The following NRP1 variants were observed in gnomAD, a reference collection of about 807,000 sequenced individuals.
NRP1 encodes neuropilin 1.
NRP1 carries 35 observed loss-of-function variants against 106.7 expected under a neutral mutation model. That is an observed-to-expected ratio of 0.33 (90% confidence interval 0.25 to 0.43). The LOEUF (loss-of-function observed/expected upper bound fraction) is 0.43. NRP1 is among the 20% of genes least tolerant of loss of function. The pLI is 1.00. For missense variants in NRP1, 1,024 were observed against 1,170.4 expected, an observed-to-expected ratio of 0.87 and a Z score of 1.83; for synonymous variants, 437 against 417.9, an observed-to-expected ratio of 1.05 and a Z score of -0.56.
intron 15 of NRP1, among the ~76,000 whole-genome samples, chr10:33,183,880 C>T (rs911241801): frequency 2.0e-5 from 3 of 152,136 alleles, no homozygotes; most frequent in Admixed American, 6.5e-5. Context: ...TTAATGGAGC[C>T]GTAGTTGTGA....
chr10:33,214,006 G>T (rs1838546151), intron 8 of NRP1, among the ~76,000 whole-genome samples: 1 of 152,166 alleles, frequency 6.6e-6, no homozygotes, highest in South Asian at 2.1e-4. Context: ...CAGTCTCTTT[G>T]GTATCCAGAA....
In NRP1 at chr10:33,213,425, G is replaced by A; in HGVS notation, c.1575C>T (p.Asp525=). 1 of 1,613,760 alleles carries A rather than the reference G, an allele frequency of 6.2e-7. No individual in the cohort carries two copies. The highest frequency in any genetic ancestry group is 1.1e-5 in the South Asian group (1 of 91,040). ...FKIGYSNNGS[D]WKMIMDDSKR... Reference sequence around the variant, plus strand: ...TGCTGTCATCCATGATCATCTTCCAGTCCGAGCCGTTGTTGCTGTACCCGA... The same window carrying A: ...TGCTGTCATCCATGATCATCTTCCAATCCGAGCCGTTGTTGCTGTACCCGA... Residue 525 remains aspartate, a synonymous_variant, in exon 9 of 17, where the codon GAC becomes GAT. Coordinates refer to ENST00000374867, the MANE Select transcript of NRP1 (RefSeq NM_003873.7).
chr10:33,197,754 C>T (rs1236920832), intron 11 of NRP1, 45 bp from the exon 12 acceptor site: 17 of 1,178,144 alleles, frequency 1.4e-5, no homozygotes, highest in African/African-American at 3.0e-5. Context: ...AAAACAGTAG[C>T]GAATATGCAG....
chr10:33,275,684 G>T (rs916212120), intron 2 of NRP1, among the ~76,000 whole-genome samples: 3 of 151,572 alleles, frequency 2.0e-5, no homozygotes, highest in Non-Finnish European at 4.4e-5. Flanking sequence ...GATTGCCTGA[G>T]GCCAGGAGTT....
chr10:33,294,062 G>A (rs1371828120), intron 2 of NRP1, among the ~76,000 whole-genome samples: 2 of 152,174 alleles, frequency 1.3e-5, no homozygotes, highest in Non-Finnish European at 1.5e-5. Context: ...TAGAATCTGT[G>A]GGCTTTGCAA....
intron 2 of NRP1, among the ~76,000 whole-genome samples, chr10:33,294,199 G>A (rs901482185): frequency 1.3e-5 from 2 of 152,206 alleles, no homozygotes; most frequent in Admixed American, 6.5e-5. Flanking sequence ...GTGAGTGTGG[G>A]ATTTGGGGAT....
At position 33,182,862 on chromosome 10, in the gene NRP1, C is replaced by T. The variant is rs531663599; in HGVS notation, c.2432-114G>A. ...ACACACACACACACACACACACACA[C>T]GTGTCTACTGGGCTCCTTTTGGATT... On this transcript the variant is annotated intron_variant, in intron 15 of 16. Transcript: ENST00000374867. 2.0e-4 allele frequency: 148 copies of T among 740,194 alleles called. 1 individual carries two copies. The highest frequency in any genetic ancestry group is 1.9e-3 in the South Asian group (119 of 62,886). The allele number at this position is 740,194 out of a possible 1,614,324, so 45.9% of individuals were successfully genotyped here.
At chr10:33,222,928 G>T (rs1839374594) in intron 7 of NRP1, among the ~76,000 whole-genome samples, 1 of 152,214 alleles carries the variant, frequency 6.6e-6, no homozygotes, top group South Asian at 2.1e-4. Context: ...GCCTGGGCGG[G>T]GGGCTGCAGC....
intron 11 of NRP1, among the ~76,000 whole-genome samples, chr10:33,198,773 C>T (rs1440789759): frequency 2.0e-5 from 3 of 152,104 alleles, no homozygotes; most frequent in Admixed American, 6.5e-5. Flanking sequence ...GGTTCCTCCT[C>T]TGTTTGGCTA....
chr10:33,309,827 A>G (rs993775128), intron 2 of NRP1, among the ~76,000 whole-genome samples: 7 of 152,092 alleles, frequency 4.6e-5, no homozygotes, highest in Non-Finnish European at 1.0e-4. Flanking sequence ...TGATTCCCAC[A>G]TTTCTATGTC....
At chr10:33,252,131 G>C (rs1841910084) in intron 6 of NRP1, among the ~76,000 whole-genome samples, 1 of 152,160 alleles carries the variant, frequency 6.6e-6, no homozygotes, top group African/African-American at 2.4e-5. Flanking sequence ...ACAAGTGGCT[G>C]ATCGTCGAGA....
intron 15 of NRP1, among the ~76,000 whole-genome samples, 156 bp downstream of exon 15, chr10:33,185,472 G>A (rs1011037815): frequency 6.6e-6 from 1 of 152,206 alleles, no homozygotes; most frequent in African/African-American, 2.4e-5. Context: ...TGGGCTGATT[G>A]TATGCCCTGT....
At chr10:33,238,996 C>G (rs1840797610) in intron 6 of NRP1, among the ~76,000 whole-genome samples, 1 of 151,712 alleles carries the variant, frequency 6.6e-6, no homozygotes, top group African/African-American at 2.4e-5. Context: ...GAGAGAGAGT[C>G]TCCTTCACTT....
chr10:33,217,118 C>G (rs1242000650), intron 8 of NRP1, among the ~76,000 whole-genome samples: 1 of 152,116 alleles, frequency 6.6e-6, no homozygotes, highest in Non-Finnish European at 1.5e-5. Flanking sequence ...TTCATACCTG[C>G]CTGATTCCAA....
chr10:33,225,922 CT>C (rs756457942), intron 7 of NRP1, among the ~76,000 whole-genome samples: 1 of 152,164 alleles, frequency 6.6e-6, no homozygotes, highest in Admixed American at 6.5e-5. Context: ...CCTGTATTGA[CT>C]TTTTTTGGAA....
intron 16 of NRP1, 36 bp from the exon 17 acceptor site, chr10:33,180,401 G>C: frequency 1.3e-6 from 2 of 1,534,378 alleles, no homozygotes; most frequent in East Asian, 4.5e-5. Context: ...CGTGAGCACC[G>C]CCAACAGACC....
At chr10:33,225,870 TG>T (rs1564400034) in intron 7 of NRP1, among the ~76,000 whole-genome samples, 1 of 152,326 alleles carries the variant, frequency 6.6e-6, no homozygotes, top group Admixed American at 6.5e-5. Context: ...TGTGTCCCCA[TG>T]GGGGGCTTAC....
At chr10:33,257,823 T>C (rs1051172818) in intron 4 of NRP1, among the ~76,000 whole-genome samples, 5 of 152,084 alleles carry the variant, frequency 3.3e-5, no homozygotes, top group African/African-American at 1.2e-4. Flanking sequence ...GTCCCTTTTT[T>C]TTTTCTCTAG....
chr10:33,232,515 A>G (rs2133001552), intron 6 of NRP1, among the ~76,000 whole-genome samples: 2 of 152,240 alleles, frequency 1.3e-5, no homozygotes, highest in South Asian at 4.1e-4. Flanking sequence ...GAAATTGTTG[A>G]ACATTTCCCT....
Sources: allele counts gnomAD v4.1 joint callset (sites outside exome capture counted in the v4.1 genomes callset), GRCh38; gene constraint gnomAD v4.1.1; transcripts MANE v1.5; gene names NCBI Gene and HGNC (gene_info 2026-07-23, HGNC 2026-07-21).